ITPR2: variants seen among roughly 807,000 people sequenced by gnomAD.
ITPR2 encodes inositol 1,4,5-trisphosphate-gated calcium channel ITPR2.
Under a neutral mutation model 317.1 loss-of-function variants are expected in ITPR2, and 207 were observed. The observed-to-expected ratio is 0.65, with a 90% confidence interval of 0.58 to 0.73. The LOEUF is 0.73. Ranked by LOEUF, ITPR2 falls within the 30% of genes least tolerant of loss-of-function variation. The probability of loss-of-function intolerance (pLI) is 0.00; values close to 1 mark genes in which losing one functional copy is unlikely to be tolerated. For missense variants in ITPR2, 2,613 were observed against 3,284.0 expected (o/e 0.80, Z 4.99); for synonymous variants, 1,156 against 1,149.1 (o/e 1.01, Z -0.12).
intron 26 of ITPR2, among the ~76,000 whole-genome samples, chr12:26,618,865 G>C (rs1232215211): frequency 6.6e-6 from 1 of 152,166 alleles, no homozygotes; most frequent in Non-Finnish European, 1.5e-5. Flanking sequence ...GATGAACAAT[G>C]AAAACATGTA....
intron 20 of ITPR2, among the ~76,000 whole-genome samples, chr12:26,655,445 T>A (rs1468091241): frequency 6.6e-6 from 1 of 151,546 alleles, no homozygotes; most frequent in Non-Finnish European, 1.5e-5. Flanking sequence ...AAACCCCGTC[T>A]CTACTAAAAA....
intron 15 of ITPR2, among the ~76,000 whole-genome samples, chr12:26,663,459 T>C (rs948483237): frequency 6.6e-6 from 1 of 152,218 alleles, no homozygotes; most frequent in Non-Finnish European, 1.5e-5. Flanking sequence ...ATATTAGTAC[T>C]CAGGACATCC....
At chr12:26,793,934 T>A (rs1318801092) in intron 1 of ITPR2, among the ~76,000 whole-genome samples, 1 of 152,176 alleles carries the variant, frequency 6.6e-6, no homozygotes, top group African/African-American at 2.4e-5. Context: ...TCAGTGCACA[T>A]CTTAATGGGC....
intron 2 of ITPR2, among the ~76,000 whole-genome samples, chr12:26,733,495 T>G (rs1407089428): frequency 1.3e-5 from 2 of 151,994 alleles, no homozygotes; most frequent in East Asian, 3.9e-4. Flanking sequence ...AAAAAGAAAC[T>G]AATGAGTGGT....
chr12:26,608,578 A>G (rs1461886026), intron 26 of ITPR2, among the ~76,000 whole-genome samples: 6 of 147,692 alleles, frequency 4.1e-5, no homozygotes, highest in Non-Finnish European at 4.5e-5. Flanking sequence ...CCCACAGTCT[A>G]TTAATTGAGG....
At chr12:26,748,372 T>A (rs567724390) in intron 2 of ITPR2, among the ~76,000 whole-genome samples, 1 of 152,264 alleles carries the variant, frequency 6.6e-6, no homozygotes, top group Middle Eastern at 3.4e-3. Flanking sequence ...GCTTTCCTAA[T>A]TAATTTTATT....
intron 2 of ITPR2, among the ~76,000 whole-genome samples, chr12:26,772,478 A>ACATT (rs58056683): frequency 9.9e-5 from 8 of 80,640 alleles, no homozygotes; most frequent in Non-Finnish European, 2.3e-4. Flanking sequence ...TATTATATAT[A>ACATT]ATATATATAA....
At chr12:26,379,939 C>T (rs1939456335) in intron 55 of ITPR2, among the ~76,000 whole-genome samples, 1 of 152,198 alleles carries the variant, frequency 6.6e-6, no homozygotes, top group South Asian at 2.1e-4. Flanking sequence ...CACTTGGGTT[C>T]TGTAACTCTG....
chr12:26,703,760 T>C (rs1204240375), intron 9 of ITPR2, among the ~76,000 whole-genome samples: 1 of 152,222 alleles, frequency 6.6e-6, no homozygotes, highest in Admixed American at 6.5e-5. Flanking sequence ...TCATAGTCCC[T>C]GTGATTCATT....
intron 37 of ITPR2, among the ~76,000 whole-genome samples, chr12:26,509,751 T>A (rs1224775949): frequency 6.6e-6 from 1 of 152,132 alleles, no homozygotes. Flanking sequence ...ACTGTTTGAG[T>A]CTTGACCTGT....
At chr12:26,594,417 C>T (rs1945789845) in intron 32 of ITPR2, among the ~76,000 whole-genome samples, 2 of 151,568 alleles carry the variant, frequency 1.3e-5, no homozygotes, top group South Asian at 2.1e-4. Context: ...CCTTGTCATC[C>T]CTCCTTTCAG....
chr12:26,529,238 GACA>G (rs374499082), intron 37 of ITPR2, among the ~76,000 whole-genome samples: 2 of 152,268 alleles, frequency 1.3e-5, no homozygotes, highest in African/African-American at 2.4e-5. Flanking sequence ...GAGAAACTCA[GACA>G]ACATCAAAGT....
rs1458287659 is a variant in ITPR2 at position 26,484,728 on chromosome 12, T to TTGAGA, written c.5812-831_5812-830insTCTCA. Among the ~76,000 whole-genome samples the TTGAGA allele has an allele frequency of 1.8e-4, 27 of 152,270 alleles. No individual in the cohort carries two copies. In the South Asian group the frequency reaches 5.2e-3, roughly 29 times the overall value. ...ACCATAAAATACGATTTTTTTTTTC[T>TTGAGA]CGAGACAGAGTCTCACTCTATCACC... On this transcript the variant is annotated intron_variant, in intron 41 of 56. Transcript: ENST00000381340.
At chr12:26,483,027 C>T (rs978729251) in intron 42 of ITPR2, among the ~76,000 whole-genome samples, 3 of 152,198 alleles carry the variant, frequency 2.0e-5, no homozygotes, top group African/African-American at 7.2e-5. Flanking sequence ...TTTCAGGTGG[C>T]ATCCCTTACC....
At chr12:26,602,766 C>A in intron 26 of ITPR2, 60 bp from the exon 27 acceptor site, 1 of 753,590 alleles carries the variant, frequency 1.3e-6, no homozygotes, top group Non-Finnish European at 2.1e-6. Flanking sequence ...ACATTTATTT[C>A]TTTTGTATTA....
rs142628351 is a variant in ITPR2 at position 26,340,444 on chromosome 12, G to C, written c.7858-116C>G. 2.5e-3 allele frequency: 2,774 copies of C among 1,094,656 alleles called. 5 individuals are homozygous for C. Among genetic ancestry groups the C allele is most frequent in the Admixed American group, 3.6e-3 (102 of 28,144 alleles). 67.8% of individuals were successfully genotyped at this position (1,094,656 alleles called of 1,614,324 possible). On this transcript the variant is annotated intron_variant, in intron 55 of 56. Transcript: ENST00000381340. The stretch of plus-strand genomic sequence containing the variant: ...AGTCTCTTAGCACTCAAATTGGAGA[G>C]AGAAAACCTGGCATAGGGAGGGGCT...
chr12:26,501,793 A>C (rs1227790268), intron 37 of ITPR2, among the ~76,000 whole-genome samples: 2 of 152,218 alleles, frequency 1.3e-5, no homozygotes, highest in East Asian at 1.9e-4. Flanking sequence ...TGTGTCAGGA[A>C]GTAGAAAAGT....
In ITPR2 at chr12:26,499,078, G is replaced by A. The variant is rs73085283; in HGVS notation, c.5074-3818C>T. ...TAAACAAATAAATTTTTTTAAAGAT[G>A]AAATAGAAAACTTTTTTACCATTTA... On this transcript the variant is annotated intron_variant, in intron 37 of 56. Transcript: ENST00000381340. 1.7e-3 allele frequency among the ~76,000 whole-genome samples: 266 copies of A among 152,252 alleles called. 1 individual carries two copies. Among genetic ancestry groups the A allele is most frequent in the Middle Eastern group, 0.01 (3 of 294 alleles).
chr12:26,684,403 T>C (rs1017577550), intron 11 of ITPR2, among the ~76,000 whole-genome samples: 6 of 152,212 alleles, frequency 3.9e-5, no homozygotes, highest in Non-Finnish European at 7.3e-5. Context: ...AATACCCAGG[T>C]GGTTCTAATT....
Sources: allele counts gnomAD v4.1 joint callset (sites outside exome capture counted in the v4.1 genomes callset), GRCh38; gene constraint gnomAD v4.1.1; transcripts MANE v1.5; gene names NCBI Gene and HGNC (gene_info 2026-07-23, HGNC 2026-07-21).